Variants in CCDC30 observed in about 807,000 individuals in gnomAD.
CCDC30 encodes coiled-coil domain-containing protein 30.
Under a neutral mutation model 100.2 loss-of-function variants are expected in CCDC30, and 70 were observed. The observed-to-expected ratio is 0.70, with a 90% CI of 0.58 to 0.85. The LOEUF (loss-of-function observed/expected upper bound fraction) is 0.85. CCDC30 is among the 40% of genes least tolerant of loss of function. The pLI, the probability that CCDC30 is intolerant of heterozygous loss-of-function variation, is 0.00. For synonymous variants in CCDC30, 233 were observed against 269.5 expected, an observed-to-expected ratio of 0.86 and a Z score of 1.33; for missense variants, 652 against 771.2, an observed-to-expected ratio of 0.85 and a Z score of 1.83.
At chr1:42,576,441 A>T (rs1379847639) in intron 7 of CCDC30, among the ~76,000 whole-genome samples, 2 of 152,220 alleles carry the variant, frequency 1.3e-5, no homozygotes, top group Non-Finnish European at 2.9e-5. Flanking sequence ...AGAAAAAAAG[A>T]CTTTGGAGAT....
chr1:42,529,688 A>G (rs1644777851), intron 6 of CCDC30: 1 of 152,186 alleles, frequency 6.6e-6, no homozygotes, highest in South Asian at 2.1e-4. Context: ...TTTTCAGCAT[A>G]GGAATTAAGT....
chr1:42,608,817 G>A (rs955937227), intron 10 of CCDC30, among the ~76,000 whole-genome samples: 1 of 151,734 alleles, frequency 6.6e-6, no homozygotes, highest in African/African-American at 2.4e-5. Flanking sequence ...CAACTTGATG[G>A]AGATTAGCAC....
chr1:42,531,633 A>G (rs75951450), intron 6 of CCDC30, among the ~76,000 whole-genome samples: 20,705 of 152,080 alleles, frequency 0.14, 1,549 homozygotes, highest in East Asian at 0.19. Flanking sequence ...GTGGCGGCGC[A>G]TGCCTGTAGT....
At chr1:42,625,100 T>C (rs1327462548) in intron 11 of CCDC30, among the ~76,000 whole-genome samples, 1 of 152,136 alleles carries the variant, frequency 6.6e-6, no homozygotes, top group Non-Finnish European at 1.5e-5. Flanking sequence ...TTTTTCATGG[T>C]TCAATCTTTG....
In CCDC30 at chr1:42,615,530, C is replaced by A. The variant is rs145833051; in HGVS notation, c.1277+4440C>A. ...GCTAGGCTGGTCTTGAGCTCCTGAC[C>A]TCAAATGATCCACCCGCCTCAGCCT... On this transcript the variant is annotated intron_variant, in intron 11 of 16. Transcript: ENST00000668663. 4.0e-3 allele frequency among the ~76,000 whole-genome samples: 605 copies of A among 152,160 alleles called. 6 individuals are homozygous for A. Among genetic ancestry groups the A allele is most frequent in the African/African-American group, 0.014 (578 of 41,506 alleles).
intron 11 of CCDC30, among the ~76,000 whole-genome samples, chr1:42,614,421 A>G (rs112151353): frequency 0.017 from 2,645 of 152,126 alleles, 70 homozygotes; most frequent in African/African-American, 0.061. Context: ...TAATAAATGC[A>G]AAGATTTTTA....
At chr1:42,643,085 T>C (rs1430597777) in intron 13 of CCDC30, among the ~76,000 whole-genome samples, 3 of 152,212 alleles carry the variant, frequency 2.0e-5, no homozygotes, top group African/African-American at 7.2e-5. Context: ...TAGGAGACTT[T>C]CATTATAATC....
intron 14 of CCDC30, 114 bp from the exon 19 acceptor site, chr1:42,646,021 T>C (rs1325293221): frequency 2.2e-6 from 3 of 1,335,290 alleles, no homozygotes; most frequent in Non-Finnish European, 3.0e-6. Context: ...AATGGTCACA[T>C]GGATCAGAAC....
At chr1:42,608,646 C>T (rs1018441888) in intron 10 of CCDC30, among the ~76,000 whole-genome samples, 2 of 143,410 alleles carry the variant, frequency 1.4e-5, no homozygotes, top group East Asian at 2.1e-4. Flanking sequence ...CGGAACTTGC[C>T]GTGAGCCGAG....
intron 9 of CCDC30, among the ~76,000 whole-genome samples, chr1:42,586,859 G>A (rs1646080759): frequency 6.6e-6 from 1 of 152,226 alleles, no homozygotes. Flanking sequence ...AGAGAATGCA[G>A]GGAGTCTTAT....
At chr1:42,616,049 G>A (rs1005124642) in intron 11 of CCDC30, among the ~76,000 whole-genome samples, 4 of 152,032 alleles carry the variant, frequency 2.6e-5, no homozygotes, top group African/African-American at 9.7e-5. Flanking sequence ...CCGAGTAGCT[G>A]GAACTACAGG....
intron 6 of CCDC30, among the ~76,000 whole-genome samples, chr1:42,546,399 A>AAAAT (rs1645138466): frequency 1.4e-3 from 17 of 11,978 alleles, no homozygotes; most frequent in African/African-American, 3.1e-3. Context: ...AAAAAAAAAA[A>AAAAT]ATATATATAT....
rs113214860 is a variant in CCDC30 at position 42,541,722 on chromosome 1, A to G, written c.457-24574A>G. On this transcript the variant is annotated intron_variant, in intron 6 of 16. Coordinates refer to ENST00000668663, the Ensembl canonical transcript of CCDC30. ...TCCCATCAAACTTTTACTCATTAAA[A>G]GTTTCTGTTTTGAATCTTTGATTTT... is the stretch of plus-strand genomic sequence containing the variant. 6.1e-3 allele frequency among the ~76,000 whole-genome samples: 923 copies of G among 152,338 alleles called. 6 individuals are homozygous for G. The highest frequency in any genetic ancestry group is 0.021 in the African/African-American group (861 of 41,572).
chr1:42,601,725 C>T (rs6600413), intron 10 of CCDC30, among the ~76,000 whole-genome samples: 66,167 of 151,554 alleles, frequency 0.44, 14,677 homozygotes, highest in African/African-American at 0.45. Context: ...AAGAAGCCAG[C>T]CAGCAAAGAC....
At chr1:42,497,471 A>T (rs1644247964) in intron 5 of CCDC30, among the ~76,000 whole-genome samples, 1 of 152,236 alleles carries the variant, frequency 6.6e-6, no homozygotes, top group African/African-American at 2.4e-5. Flanking sequence ...ATAAGGAATT[A>T]GATAATAGTT....
At chr1:42,565,914 C>G (rs1020283284) in intron 6 of CCDC30, among the ~76,000 whole-genome samples, 1 of 127,950 alleles carries the variant, frequency 7.8e-6, no homozygotes, top group African/African-American at 2.9e-5. Context: ...AGACACCACA[C>G]AGACACACAC....
exon 3 of CCDC30, chr1:42,482,788 A>T: frequency 2.4e-6 from 3 of 1,234,068 alleles, no homozygotes; most frequent in Non-Finnish European, 3.0e-6. Context: ...ATGAACTACA[A>T]GTGAAGGAGA....
At chr1:42,583,783 A>G (rs1265998130) in intron 9 of CCDC30, among the ~76,000 whole-genome samples, 1 of 152,238 alleles carries the variant, frequency 6.6e-6, no homozygotes, top group Non-Finnish European at 1.5e-5. Context: ...TCATCTTTGC[A>G]TCTTATGCTA....
chr1:42,521,285 T>C (rs72659942), intron 6 of CCDC30: 20,996 of 154,486 alleles, frequency 0.14, 1,574 homozygotes, highest in East Asian at 0.19. Flanking sequence ...GGCCAAGTAT[T>C]TTCTAATTTC....
Sources: allele counts gnomAD v4.1 joint callset (sites outside exome capture counted in the v4.1 genomes callset), GRCh38; gene constraint gnomAD v4.1.1; transcripts MANE v1.5; gene names NCBI Gene and HGNC (gene_info 2026-07-23, HGNC 2026-07-21).